The following PPP3CA variants were observed in gnomAD, a reference collection of about 807,000 sequenced individuals.
PPP3CA encodes the protein CAM-PRP catalytic subunit.
In PPP3CA, 14 loss-of-function variants were observed where a neutral mutation model predicts 66.5. The ratio of observed to expected loss-of-function variants is 0.21; its 90% CI spans 0.14 to 0.33. The LOEUF is 0.33. PPP3CA is among the 10% of genes least tolerant of loss of function. The probability of loss-of-function intolerance (pLI) is 1.00; values close to 1 mark genes in which losing one functional copy is unlikely to be tolerated. For missense variants in PPP3CA, 317 were observed against 639.5 expected (o/e 0.50, Z 5.44); for synonymous variants, 232 against 226.2 (o/e 1.03, Z -0.23).
chr4:101,234,728 A>C (rs542830136), intron 1 of PPP3CA, among the ~76,000 whole-genome samples: 1 of 151,962 alleles, frequency 6.6e-6, no homozygotes, highest in South Asian at 2.1e-4. Flanking sequence ...AACATGAGTT[A>C]AGGCAGTTCG....
intron 11 of PPP3CA, among the ~76,000 whole-genome samples, chr4:101,039,098 C>T (rs1047416718): frequency 3.4e-5 from 5 of 145,922 alleles, no homozygotes; most frequent in East Asian, 3.9e-4. Flanking sequence ...CCTTCATATA[C>T]GCCTTTGTCC....
At chr4:101,300,289 T>C (rs187449824) in intron 1 of PPP3CA, among the ~76,000 whole-genome samples, 19 of 152,326 alleles carry the variant, frequency 1.2e-4, no homozygotes, top group Admixed American at 1.2e-3. Context: ...CCAGAAGATG[T>C]TGATCATAGT....
chr4:101,023,606 T>TAAG lies in PPP3CA; in HGVS notation c.*2256_*2258dup, dbSNP rs1726483224. 1 of 152,590 alleles carries TAAG rather than the reference T, an allele frequency of 6.6e-6. No homozygotes were observed. Among genetic ancestry groups the TAAG allele is most frequent in the African/African-American group, 2.4e-5 (1 of 41,460 alleles). 9.5% of individuals were successfully genotyped at this position (152,590 alleles called of 1,614,324 possible). On this transcript the variant is annotated 3_prime_UTR_variant, in exon 14 of 14. Transcript: ENST00000394854. ...CATTTCTTTCACATCATCACTCTAG[T>TAAG]AAGTTGCATCTAAATATTTTCCTTG... is the stretch of plus-strand genomic sequence containing the variant.
chr4:101,223,772 T>G (rs961145601), intron 1 of PPP3CA, among the ~76,000 whole-genome samples: 1 of 151,864 alleles, frequency 6.6e-6, no homozygotes, highest in African/African-American at 2.4e-5. Flanking sequence ...AATATCATTA[T>G]AACAGCAACG....
At chr4:101,142,940 T>C (rs1188846613) in intron 2 of PPP3CA, among the ~76,000 whole-genome samples, 1 of 152,190 alleles carries the variant, frequency 6.6e-6, no homozygotes, top group Non-Finnish European at 1.5e-5. Context: ...GCAAGGCCTC[T>C]TTGGCTATAT....
intron 1 of PPP3CA, among the ~76,000 whole-genome samples, chr4:101,220,299 G>GTTTTTT (rs33967695): frequency 6.8e-6 from 1 of 147,518 alleles, no homozygotes. Context: ...TTGACAGCAC[G>GTTTTTT]TTTTTTTTTT....
intron 8 of PPP3CA, among the ~76,000 whole-genome samples, chr4:101,066,639 A>AAATTCTG (rs1728693367): frequency 6.6e-6 from 1 of 152,164 alleles, no homozygotes; most frequent in African/African-American, 2.4e-5. Context: ...AAGTTACTCA[A>AAATTCTG]AATTCTGATA....
chr4:101,072,346 C>T (rs1728952800), intron 8 of PPP3CA, among the ~76,000 whole-genome samples: 1 of 152,148 alleles, frequency 6.6e-6, no homozygotes, highest in South Asian at 2.1e-4. Flanking sequence ...CGTTCACAAA[C>T]ATTTCACACA....
At chr4:101,153,678 G>T (rs753236463) in intron 2 of PPP3CA, among the ~76,000 whole-genome samples, 5 of 152,138 alleles carry the variant, frequency 3.3e-5, no homozygotes, top group Non-Finnish European at 7.4e-5. Context: ...ACTCAAGTAG[G>T]TATTCTCCTT....
chr4:101,272,721 G>T (rs964933949), intron 1 of PPP3CA, among the ~76,000 whole-genome samples: 3 of 152,076 alleles, frequency 2.0e-5, no homozygotes, highest in Non-Finnish European at 2.9e-5. Flanking sequence ...TACTTGAAAC[G>T]GTGCCTGGCA....
At chr4:101,203,289 G>A (rs1725027783) in intron 1 of PPP3CA, among the ~76,000 whole-genome samples, 1 of 152,184 alleles carries the variant, frequency 6.6e-6, no homozygotes, top group Non-Finnish European at 1.5e-5. Flanking sequence ...GAGGTCAAGA[G>A]ATCGAGACCA....
Position 101,070,236 on chromosome 4 carries a change from T to C in PPP3CA, c.956-6879A>G, listed in dbSNP as rs957492133. Among the ~76,000 whole-genome samples, 5 of 151,880 alleles carry C rather than the reference T, an allele frequency of 3.3e-5. 1 individual carries two copies. In the South Asian group the frequency reaches 1.0e-3, roughly 32 times the overall value. ...ATGGTTGATGCTTAATTGTGTTGTTTGAAGAAAAAACCTAAGGAATGAAAA... is the reference window on the plus strand; with the variant it reads ...ATGGTTGATGCTTAATTGTGTTGTTCGAAGAAAAAACCTAAGGAATGAAAA... On this transcript the variant is annotated intron_variant, in intron 8 of 13. Coordinates refer to ENST00000394854, the MANE Select transcript of PPP3CA (RefSeq NM_000944.5).
At position 101,259,477 on chromosome 4, in the gene PPP3CA, C is replaced by CAT. The variant is rs60513870; in HGVS notation, c.59-63363_59-63362dup. The stretch of plus-strand genomic sequence containing the variant: ...ACAGACCAGTCCCCACAGTGGGCAC[C>CAT]ATTTCCTTACAGGTCAAAACTTTGT... On this transcript the variant is annotated intron_variant, in intron 1 of 13. Transcript: ENST00000394854. Among the ~76,000 whole-genome samples, 1,109 of 152,208 alleles carry CAT rather than the reference C, an allele frequency of 7.3e-3. 11 individuals carry two copies. The highest frequency in any genetic ancestry group is 0.026 in the African/African-American group (1,062 of 41,536).
chr4:101,299,106 GT>G lies in PPP3CA; in HGVS notation c.58+47632del, dbSNP rs556244769. 8.1e-3 allele frequency among the ~76,000 whole-genome samples: 690 copies of G among 85,486 alleles called. 3 individuals are homozygous for G. The highest frequency in any genetic ancestry group is 0.021 in the African/African-American group (369 of 17,876). The allele number at this position is 85,486 out of a possible 152,430, so 56.1% of individuals were successfully genotyped here. On this transcript the variant is annotated intron_variant, in intron 1 of 13. Transcript: ENST00000394854. ...ATGTCAATATCAAGTGCCATATATC[GT>G]TTTTTTTTTTTTTTTTTTTTTTTTT...
At chr4:101,238,806 C>A (rs1726209035) in intron 1 of PPP3CA, among the ~76,000 whole-genome samples, 1 of 152,042 alleles carries the variant, frequency 6.6e-6, no homozygotes, top group South Asian at 2.1e-4. Context: ...TATCACCTAC[C>A]CTTCAACTAG....
intron 1 of PPP3CA, among the ~76,000 whole-genome samples, chr4:101,270,659 G>C (rs1727309781): frequency 6.6e-6 from 1 of 152,074 alleles, no homozygotes; most frequent in Non-Finnish European, 1.5e-5. Context: ...TTGGCAAAAA[G>C]GGTCCATCCA....
At chr4:101,171,349 T>C (rs1466019877) in intron 2 of PPP3CA, 1 of 125,358 alleles carries the variant, frequency 8.0e-6, no homozygotes, top group Non-Finnish European at 1.8e-5. Context: ...AACAATTCTT[T>C]CAAAAAAAAA....
chr4:101,046,629 AT>A (rs1560576782), intron 10 of PPP3CA, among the ~76,000 whole-genome samples: 1 of 151,916 alleles, frequency 6.6e-6, no homozygotes, highest in Non-Finnish European at 1.5e-5. Flanking sequence ...TTCTGAGAAA[AT>A]TTTTTTTACC....
intron 1 of PPP3CA, among the ~76,000 whole-genome samples, chr4:101,196,691 A>G (rs755358828): frequency 6.6e-6 from 1 of 152,214 alleles, no homozygotes; most frequent in Non-Finnish European, 1.5e-5. Flanking sequence ...GTGAGTGTGT[A>G]TGCTCTCACT....
Sources: allele counts gnomAD v4.1 joint callset (sites outside exome capture counted in the v4.1 genomes callset), GRCh38; gene constraint gnomAD v4.1.1; transcripts MANE v1.5; gene names NCBI Gene and HGNC (gene_info 2026-07-23, HGNC 2026-07-21).